Variants in TFEB observed in about 807,000 individuals in gnomAD.
The protein encoded by TFEB is T-cell transcription factor EB.
A neutral mutation model predicts 48.0 loss-of-function variants in TFEB; 12 were observed. The ratio of observed to expected loss-of-function variants is 0.25; its 90% CI spans 0.16 to 0.40. The LOEUF (loss-of-function observed/expected upper bound fraction) is 0.40. Ranked by LOEUF, TFEB falls within the 10% of genes least tolerant of loss-of-function variation. The pLI, the probability that TFEB is intolerant of heterozygous loss-of-function variation, is 1.00. For synonymous variants in TFEB, 244 were observed against 261.4 expected (o/e 0.93, Z 0.64); for missense variants, 509 against 640.3 (o/e 0.79, Z 2.21).
rs1375946925 is a variant in TFEB at position 41,718,482 on chromosome 6, T to G, written c.-23+16868A>C. On this transcript the variant is annotated intron_variant, in intron 1 of 8. Coordinates refer to ENST00000373033, the MANE Select transcript of TFEB (RefSeq NM_001271944.2). ...CCTCAGTCTCCCAAAGTGTTGGTAT[T>G]ACAAGCATGAGCCACCACACCCAGC... is the stretch of plus-strand genomic sequence containing the variant. 3.3e-5 allele frequency among the ~76,000 whole-genome samples: 5 copies of G among 152,288 alleles called. No individual in the cohort carries two copies. The East Asian group carries it at 9.6e-4, about 29-fold the overall frequency.
At position 41,734,468 on chromosome 6, in the gene TFEB, G is replaced by A. The variant is rs1286571887; in HGVS notation, c.-23+882C>T. On this transcript the variant is annotated intron_variant, in intron 1 of 8. Transcript: ENST00000373033. The surrounding 1 kb of genome is among the most constrained non-coding windows in gnomAD (Gnocchi z 4.0). ...GCTCCCTTCCAGGAGGCGAGCGGACGCGCTGGGCCAGAGCTGGTCGGGACA... is the reference window on the plus strand; with the variant it reads ...GCTCCCTTCCAGGAGGCGAGCGGACACGCTGGGCCAGAGCTGGTCGGGACA... 2.5e-6 allele frequency: 2 copies of A among 800,090 alleles called. No homozygotes were observed. Among genetic ancestry groups the A allele is most frequent in the Non-Finnish European group, 3.0e-6 (2 of 661,378 alleles). 49.6% of individuals were successfully genotyped at this position (800,090 alleles called of 1,614,324 possible). A position where few individuals can be genotyped will look rare whatever the true frequency, so the allele number is the denominator to read the frequency against.
At chr6:41,714,186 T>C (rs1009052504) in intron 1 of TFEB, among the ~76,000 whole-genome samples, 3 of 151,128 alleles carry the variant, frequency 2.0e-5, no homozygotes, top group Non-Finnish European at 3.0e-5. Context: ...TGTGTGTGCA[T>C]GTGCATGCAT....
At chr6:41,689,648 C>T in intron 4 of TFEB, 83 bp downstream of exon 4, 1 of 1,070,238 alleles carries the variant, frequency 9.3e-7, no homozygotes, top group Non-Finnish European at 1.4e-6. Context: ...AACCCTGTCT[C>T]CACTCTCTCC....
At chr6:41,721,342 A>G (rs916979766) in intron 1 of TFEB, among the ~76,000 whole-genome samples, 1 of 151,342 alleles carries the variant, frequency 6.6e-6, no homozygotes, top group African/African-American at 2.4e-5. Flanking sequence ...GCTCACAGAA[A>G]AATATACTTT....
chr6:41,688,181 G>C (rs921290707), intron 4 of TFEB, 153 bp from the exon 5 acceptor site: 43 of 877,426 alleles, frequency 4.9e-5, no homozygotes, highest in Non-Finnish European at 6.3e-5. Flanking sequence ...TCAACCTGAA[G>C]GTCTGCAGAG....
chr6:41,704,183 G>T (rs1770084682), intron 1 of TFEB, among the ~76,000 whole-genome samples: 1 of 152,134 alleles, frequency 6.6e-6, no homozygotes, highest in South Asian at 2.1e-4. Context: ...TTCCCCAACA[G>T]AGCCTCTGAC....
chr6:41,735,482 A>C lies in TFEB; in HGVS notation c.-155T>G. 5.1e-6 allele frequency: 5 copies of C among 984,392 alleles called. No individual in the cohort carries two copies. The highest frequency in any genetic ancestry group is 6.0e-6 in the Non-Finnish European group (5 of 829,614). 61.0% of individuals were successfully genotyped at this position (984,392 alleles called of 1,614,324 possible). On this transcript the variant is annotated 5_prime_UTR_variant, in exon 1 of 9. Transcript: ENST00000373033. ...CTGCTCCGGCCCCGTGCCACCAGGGAGGCCCGCCCCGTCCGCCCTTCCCGC... is the reference window on the plus strand; with the variant it reads ...CTGCTCCGGCCCCGTGCCACCAGGGCGGCCCGCCCCGTCCGCCCTTCCCGC...
At chr6:41,688,878 G>C (rs1198869819) in intron 4 of TFEB, among the ~76,000 whole-genome samples, 2 of 152,180 alleles carry the variant, frequency 1.3e-5, no homozygotes, top group African/African-American at 2.4e-5. Flanking sequence ...GGTGGCATGG[G>C]CTGGGGCCAG....
rs116250633 is a variant in TFEB, at chr6:41,723,658, G to A, written c.-23+11692C>T. 30 of 716,606 alleles carry A rather than the reference G, an allele frequency of 4.2e-5. No homozygotes were observed. Among genetic ancestry groups the A allele is most frequent in the Non-Finnish European group, 5.8e-5 (29 of 502,548 alleles). 44.4% of individuals were successfully genotyped at this position (716,606 alleles called of 1,614,324 possible). A position where few individuals can be genotyped will look rare whatever the true frequency, so the allele number is the denominator to read the frequency against. ...TCCCCTGGGAGCTGCAAATGCGGCC[G>A]AGGATTACTCACAGCACAGAGGGAA... On this transcript the variant is annotated intron_variant, in intron 1 of 8. Transcript: ENST00000373033. The surrounding 1 kb of genome is among the most constrained non-coding windows in gnomAD (Gnocchi z 6.0).
intron 1 of TFEB, among the ~76,000 whole-genome samples, chr6:41,729,223 C>G (rs1414266111): frequency 6.6e-6 from 1 of 152,120 alleles, no homozygotes; most frequent in Non-Finnish European, 1.5e-5. Context: ...GGGCCAGCCC[C>G]CAGGCTCTCC....
At chr6:41,685,808 G>A (rs1768968029) in intron 8 of TFEB, among the ~76,000 whole-genome samples, 2 of 152,222 alleles carry the variant, frequency 1.3e-5, no homozygotes, top group South Asian at 4.1e-4. Flanking sequence ...AGTGACAATG[G>A]CTTTAAGAGC....
At chr6:41,685,185 C>T in intron 8 of TFEB, 107 bp from the exon 9 acceptor site, 1 of 1,305,216 alleles carries the variant, frequency 7.7e-7, no homozygotes, top group Non-Finnish European at 9.9e-7. Flanking sequence ...CTACGGCACC[C>T]AAGACCCAAA....
At chr6:41,689,898 G>A (rs1769207433) in intron 3 of TFEB, 87 bp from the exon 4 acceptor site, 1 of 1,043,752 alleles carries the variant, frequency 9.6e-7, no homozygotes, top group South Asian at 1.3e-5. Context: ...GACCTGGAGG[G>A]ACCTTGGAGC....
chr6:41,720,209 T>C lies in TFEB; in HGVS notation c.-23+15141A>G, dbSNP rs1410944486. Among the ~76,000 whole-genome samples, 1 of 152,138 alleles carries C rather than the reference T, an allele frequency of 6.6e-6. No individual in the cohort carries two copies. Among genetic ancestry groups the C allele is most frequent in the East Asian group, 1.9e-4 (1 of 5,184 alleles). The stretch of plus-strand genomic sequence containing the variant: ...GCCCCTTAAGCTGGGACTCCTGGGG[T>C]ACTCAATGAAGAGTGGAGCTTTAGA... On this transcript the variant is annotated intron_variant, in intron 1 of 8. Transcript: ENST00000373033. The surrounding 1 kb of genome is among the most constrained non-coding windows in gnomAD (Gnocchi z 4.1).
At chr6:41,716,030 T>G (rs1036241323) in intron 1 of TFEB, among the ~76,000 whole-genome samples, 1 of 152,212 alleles carries the variant, frequency 6.6e-6, no homozygotes, top group South Asian at 2.1e-4. Flanking sequence ...GGATGTCACA[T>G]ACGGAGCTTC....
chr6:41,730,044 C>T lies in TFEB; in HGVS notation c.-23+5306G>A, dbSNP rs1561875203. Among the ~76,000 whole-genome samples the T allele has an allele frequency of 6.6e-6, 1 of 152,082 alleles. No homozygotes were observed. The highest frequency in any genetic ancestry group is 1.5e-5 in the Non-Finnish European group (1 of 68,026). On this transcript the variant is annotated intron_variant, in intron 1 of 8. Transcript: ENST00000373033. This position sits in a 1 kb window ranked among gnomAD's most constrained non-coding sequence, Gnocchi z 4.1. The stretch of plus-strand genomic sequence containing the variant: ...GAGGGGCCCAGCATCTGTGTTTAAA[C>T]AATTCCTCCAGGGAGTTCTCATGCA...
chr6:41,698,423 G>A (rs1769723601), intron 1 of TFEB, among the ~76,000 whole-genome samples: 1 of 152,186 alleles, frequency 6.6e-6, no homozygotes. Flanking sequence ...GGAGCCAGAG[G>A]GTGTCCGGGA....
At position 41,701,182 on chromosome 6, in the gene TFEB, C is replaced by T. The variant is rs559911705; in HGVS notation, c.-22-9947G>A. 3.7e-4 allele frequency among the ~76,000 whole-genome samples: 57 copies of T among 152,356 alleles called. No homozygotes were observed. In the South Asian group the frequency reaches 0.011, roughly 30 times the overall value. ...ATGTCCATGTGCACACACGTGTAGC[C>T]GCATCCCTCAGCTGCCGCTTGCAGT... is the stretch of plus-strand genomic sequence containing the variant. On this transcript the variant is annotated intron_variant, in intron 1 of 8. Transcript: ENST00000373033.
rs746210663 is a variant in TFEB, at chr6:41,690,928, G to A, written c.214-11C>T. 3 of 1,574,844 alleles carry A rather than the reference G, an allele frequency of 1.9e-6. No homozygotes were observed. Among genetic ancestry groups the A allele is most frequent in the Admixed American group, 1.7e-5 (1 of 58,228 alleles). ...CAGGTAGGACTGCACCTGGGAGGGG[G>A]AAAAGGCAAGGGCTCTAGGGGAGGC... On this transcript the variant is annotated splice_polypyrimidine_tract_variant and intron_variant, in intron 2 of 8. Coordinates refer to ENST00000373033, the MANE Select transcript of TFEB (RefSeq NM_001271944.2).
Sources: gnomAD v4.1 joint callset for allele counts (sites outside exome capture counted in the v4.1 genomes callset) on GRCh38, gnomAD v4.1.1 for gene constraint, Gnocchi (gnomAD v3.1) non-coding constraint, MANE v1.5 for transcripts, NCBI Gene and HGNC (gene_info 2026-07-23, HGNC 2026-07-21) for gene names.